DNAJC6: variants seen among roughly 807,000 people sequenced by gnomAD.
DNAJC6 encodes DnaJ heat shock protein family (Hsp40) member C6, also known as auxilin.
A neutral mutation model predicts 110.0 loss-of-function variants in DNAJC6; 34 were observed. That is an observed-to-expected ratio of 0.31 (90% confidence interval 0.24 to 0.41). The LOEUF is 0.41. Ranked by LOEUF, DNAJC6 falls within the 10% of genes least tolerant of loss-of-function variation. The pLI, the probability that DNAJC6 is intolerant of heterozygous loss-of-function variation, is 1.00. For synonymous variants in DNAJC6, 406 were observed against 437.2 expected, an observed-to-expected ratio of 0.93 and a Z score of 0.89; for missense variants, 1,031 against 1,207.8, an observed-to-expected ratio of 0.85 and a Z score of 2.17.
intron 5 of DNAJC6, among the ~76,000 whole-genome samples, chr1:65,383,251 G>A (rs530824058): frequency 1.4e-4 from 21 of 152,332 alleles, no homozygotes; most frequent in African/African-American, 4.6e-4. Flanking sequence ...CATAGACCGG[G>A]TGGCTTAAAC....
intron 1 of DNAJC6, among the ~76,000 whole-genome samples, chr1:65,312,326 A>G (rs1307050145): frequency 6.6e-6 from 1 of 152,214 alleles, no homozygotes; most frequent in Non-Finnish European, 1.5e-5. Context: ...TTTGGTTTGA[A>G]TGAAGGATTG....
chr1:65,292,259 C>T (rs1422162914), intron 1 of DNAJC6, among the ~76,000 whole-genome samples: 1 of 150,480 alleles, frequency 6.6e-6, no homozygotes, highest in African/African-American at 2.4e-5. Context: ...CTCAGATGAT[C>T]TACCCACCTT....
intron 6 of DNAJC6, among the ~76,000 whole-genome samples, chr1:65,385,405 TA>T (rs1645861589): frequency 6.6e-6 from 1 of 152,186 alleles, no homozygotes; most frequent in Non-Finnish European, 1.5e-5. Flanking sequence ...TTTTAGCTGA[TA>T]AATTGGATCT....
intron 1 of DNAJC6, among the ~76,000 whole-genome samples, chr1:65,289,600 G>C (rs574504198): frequency 6.6e-6 from 1 of 152,232 alleles, no homozygotes; most frequent in South Asian, 2.1e-4. Flanking sequence ...AGTTTATTGG[G>C]TATTTGTATG....
chr1:65,330,759 G>A (rs1476764409), intron 1 of DNAJC6, among the ~76,000 whole-genome samples: 4 of 152,312 alleles, frequency 2.6e-5, no homozygotes, highest in Admixed American at 6.5e-5. Context: ...GTGCCACCGC[G>A]CCCAGCCTTG....
At position 65,364,728 on chromosome 1, in the gene DNAJC6, A is replaced by T; in HGVS notation, c.287A>T (p.Asp96Val). ...GGGAGGCTCTTTAGTAACCTAAAGG[A>T]CAACTTGAAAGACACCCTCAAAGAC... is the stretch of plus-strand genomic sequence containing the variant. ...GAGRLFSNLK[D>V]NLKDTLKDTS... The change falls in exon 2 of 19, where the codon GAC becomes GTC. Residue 96 changes from aspartate (D) to valine (V), a missense_variant. Asp to Val is a radical substitution (Grantham distance 152, BLOSUM62 -3). Coordinates refer to ENST00000371069, the MANE Select transcript of DNAJC6 (RefSeq NM_001256864.2). 1.2e-6 allele frequency: 2 copies of T among 1,612,824 alleles called. No homozygotes were observed. The highest frequency in any genetic ancestry group is 1.7e-6 in the Non-Finnish European group (2 of 1,179,530).
chr1:65,356,384 A>T (rs1223391048), intron 1 of DNAJC6, among the ~76,000 whole-genome samples: 9 of 151,722 alleles, frequency 5.9e-5, no homozygotes, highest in Non-Finnish European at 5.9e-5. Flanking sequence ...CCAGCCTGGG[A>T]AACATGGTGA....
intron 4 of DNAJC6, among the ~76,000 whole-genome samples, chr1:65,367,685 A>G (rs540334383): frequency 6.6e-6 from 1 of 152,330 alleles, no homozygotes; most frequent in Non-Finnish European, 1.5e-5. Context: ...GCATTTATAC[A>G]TATAAAGATG....
intron 4 of DNAJC6, among the ~76,000 whole-genome samples, chr1:65,377,189 C>A (rs905063117): frequency 6.6e-6 from 1 of 152,164 alleles, no homozygotes; most frequent in East Asian, 1.9e-4. Context: ...CAGTAAATGT[C>A]AATAAGGCCT....
At chr1:65,358,662 C>A (rs1318165523) in intron 1 of DNAJC6, among the ~76,000 whole-genome samples, 1 of 152,152 alleles carries the variant, frequency 6.6e-6, no homozygotes, top group African/African-American at 2.4e-5. Flanking sequence ...TTGTAGCCTG[C>A]TTATTTTACA....
At position 65,408,578 on chromosome 1, in the gene DNAJC6, A is replaced by G. The variant is rs561042254; in HGVS notation, c.2492-63A>G. ...CCTTGAAGACTCCAGATGCTGTGAG[A>G]TAATGATACAGCATTATGTTTAAGA... is the stretch of plus-strand genomic sequence containing the variant. On this transcript the variant is annotated intron_variant, in intron 16 of 18. Coordinates refer to ENST00000371069, the MANE Select transcript of DNAJC6 (RefSeq NM_001256864.2). 1.9e-6 allele frequency: 3 copies of G among 1,561,068 alleles called. No homozygotes were observed. The African/African-American group carries it at 4.1e-5, about 22-fold the overall frequency.
In DNAJC6 at chr1:65,395,007, A is replaced by C. The variant is rs749974744; in HGVS notation, c.2013A>C (p.Thr671=). ...SASSDPFLQP[T]RSPSPTVHAS... is the part of the protein sequence containing the mutation. ...CCAGTGACCCCTTTCTCCAGCCAAC[A>C]AGAAGTCCTTCGCCCACAGTACATG... Residue 671 remains threonine (T), a synonymous_variant, in exon 13 of 19, where the codon ACA becomes ACC. Coordinates refer to ENST00000371069, the MANE Select transcript of DNAJC6 (RefSeq NM_001256864.2). 1 of 1,611,512 alleles carries C rather than the reference A, an allele frequency of 6.2e-7. No homozygotes were observed. Among genetic ancestry groups the C allele is most frequent in the Non-Finnish European group, 8.5e-7 (1 of 1,179,252 alleles).
intron 1 of DNAJC6, among the ~76,000 whole-genome samples, chr1:65,287,595 T>C (rs1654062419): frequency 1.3e-5 from 2 of 152,190 alleles, no homozygotes; most frequent in South Asian, 2.1e-4. Flanking sequence ...TACTTTGCCA[T>C]TTAATCTCTT....
intron 4 of DNAJC6, among the ~76,000 whole-genome samples, chr1:65,377,061 C>G (rs904778241): frequency 1.3e-5 from 2 of 152,164 alleles, no homozygotes; most frequent in Admixed American, 6.5e-5. Flanking sequence ...CCACACCTGG[C>G]CAATTTCTGT....
chr1:65,287,377 CT>C (rs1334787787), intron 1 of DNAJC6, among the ~76,000 whole-genome samples: 1 of 152,108 alleles, frequency 6.6e-6, no homozygotes, highest in African/African-American at 2.4e-5. Flanking sequence ...TAATAAGATG[CT>C]GTTGTAGTTC....
chr1:65,394,998 C>T lies in DNAJC6; in HGVS notation c.2004C>T (p.Leu668=). ...NTSSASSDPF[L]QPTRSPSPTV... ...CCAGTGCTTCCAGTGACCCCTTTCT[C>T]CAGCCAACAAGAAGTCCTTCGCCCA... is the stretch of plus-strand genomic sequence containing the variant. The change falls in exon 13 of 19, where the codon CTC becomes CTT. Residue 668 remains leucine (L), a synonymous_variant. Coordinates refer to ENST00000371069, the MANE Select transcript of DNAJC6 (RefSeq NM_001256864.2). 1 of 1,612,318 alleles carries T rather than the reference C, an allele frequency of 6.2e-7. No individual in the cohort carries two copies. The highest frequency in any genetic ancestry group is 8.5e-7 in the Non-Finnish European group (1 of 1,179,440).
chr1:65,265,793 C>A (rs1215679901), intron 1 of DNAJC6, among the ~76,000 whole-genome samples: 1 of 152,076 alleles, frequency 6.6e-6, no homozygotes, highest in African/African-American at 2.4e-5. Context: ...TTGCGCTGGT[C>A]GTGCTCCTGG....
At chr1:65,335,986 A>G (rs1012801224) in intron 1 of DNAJC6, among the ~76,000 whole-genome samples, 6 of 152,212 alleles carry the variant, frequency 3.9e-5, no homozygotes, top group African/African-American at 1.4e-4. Flanking sequence ...CACTATAGGC[A>G]GTGAGAAAAG....
Position 65,283,428 on chromosome 1 carries a change from A to G in DNAJC6, c.-131+18496A>G, listed in dbSNP as rs912454737. On this transcript the variant is annotated intron_variant, in intron 1 of 19. Transcript: ENST00000263441. ...CCCCAAGATTGCCTTTTTTTTACTCAGCATAATTTCCCTGAGTTGCATCCA... is the reference window on the plus strand; with the variant it reads ...CCCCAAGATTGCCTTTTTTTTACTCGGCATAATTTCCCTGAGTTGCATCCA... Among the ~76,000 whole-genome samples the G allele has an allele frequency of 1.8e-4, 28 of 152,226 alleles. 1 individual carries two copies. Among genetic ancestry groups the G allele is most frequent in the Middle Eastern group, 6.8e-3 (2 of 294 alleles).
Sources: allele counts gnomAD v4.1 joint callset (sites outside exome capture counted in the v4.1 genomes callset), GRCh38; gene constraint gnomAD v4.1.1; transcripts MANE v1.5; gene names NCBI Gene and HGNC (gene_info 2026-07-23, HGNC 2026-07-21).